The following HPD variants were observed in gnomAD, a reference collection of about 807,000 sequenced individuals.
The protein encoded by HPD is 4-hydroxyphenylpyruvic acid oxidase.
A neutral mutation model predicts 56.9 loss-of-function variants in HPD; 35 were observed. The ratio of observed to expected loss-of-function variants is 0.62; its 90% CI spans 0.47 to 0.82. The LOEUF is 0.82. Ranked by LOEUF, HPD falls within the 40% of genes least tolerant of loss-of-function variation. HPD has a pLI of 0.00. For missense variants in HPD, 442 were observed against 506.8 expected (o/e 0.87, Z 1.23); for synonymous variants, 186 against 200.2 (o/e 0.93, Z 0.60).
the HPD span, among the ~76,000 whole-genome samples, chr12:121,879,416 A>G: frequency 6.6e-6 from 1 of 151,972 alleles, no homozygotes; most frequent in African/African-American, 2.4e-5. Context: ...TCTACAGACA[A>G]CCACCTTGGA....
chr12:121,883,181 TGTGTGTGTG>T, the HPD span, among the ~76,000 whole-genome samples: 72 of 2,300 alleles, frequency 0.031, no homozygotes, highest in African/African-American at 0.047. Flanking sequence ...GAGCATAAGT[TGTGTGTGTG>T]TGTGTGTGTG....
At chr12:121,877,720 G>A in the HPD span, among the ~76,000 whole-genome samples, 37 of 152,152 alleles carry the variant, frequency 2.4e-4, no homozygotes, top group African/African-American at 8.7e-4. Context: ...GTGACGGATT[G>A]AGACTCTGTC....
chr12:121,842,816 C>T (rs980246543), intron 12 of HPD, among the ~76,000 whole-genome samples: 5 of 141,754 alleles, frequency 3.5e-5, no homozygotes, highest in South Asian at 2.2e-4. Context: ...AGCGCAATCT[C>T]GGCTCACTGC....
chr12:121,882,980 G>A, the HPD span, among the ~76,000 whole-genome samples: 18 of 152,036 alleles, frequency 1.2e-4, no homozygotes, highest in East Asian at 1.9e-4. Flanking sequence ...CACCCGCCTC[G>A]GCCTCCCAAA....
intron 7 of HPD, among the ~76,000 whole-genome samples, chr12:121,853,576 C>T (rs1877883618): frequency 6.8e-6 from 1 of 147,524 alleles, no homozygotes. Context: ...GAGCCGAGAT[C>T]GTGCCACTGC....
chr12:121,860,812 G>A (rs1281585144), upstream of HPD, among the ~76,000 whole-genome samples: 1 of 152,126 alleles, frequency 6.6e-6, no homozygotes, highest in Non-Finnish European at 1.5e-5. Context: ...AGGCTGAGGT[G>A]GGAGGATCAC....
the HPD span, among the ~76,000 whole-genome samples, chr12:121,874,662 TGCTTCCAAGA>T: frequency 1.3e-5 from 2 of 151,942 alleles, no homozygotes; most frequent in Non-Finnish European, 2.9e-5. Flanking sequence ...AAACAGTTCC[TGCTTCCAAGA>T]TTTTAAGGCA....
chr12:121,880,490 G>A, the HPD span, among the ~76,000 whole-genome samples: 28 of 151,814 alleles, frequency 1.8e-4, no homozygotes, highest in East Asian at 5.3e-3. Flanking sequence ...CACCATGCCC[G>A]GCCTGTACCA....
At chr12:121,855,181 T>C (rs184866761) in intron 6 of HPD, among the ~76,000 whole-genome samples, 26 of 152,338 alleles carry the variant, frequency 1.7e-4, no homozygotes, top group Admixed American at 4.6e-4. Context: ...ACAGTGCTTA[T>C]ATCATGCACC....
At chr12:121,862,960 G>C (rs575661297), upstream of HPD, among the ~76,000 whole-genome samples, 3 of 150,720 alleles carry the variant, frequency 2.0e-5, no homozygotes, top group South Asian at 6.3e-4. Flanking sequence ...GATTATAGGC[G>C]TGAGCCACCG....
At position 121,849,752 on chromosome 12, in the gene HPD, G is replaced by T. The variant is rs35115987; in HGVS notation, c.453C>A (p.Asn151Lys). The change falls in exon 8 of 14, where the codon AAC becomes AAA. Residue 151 changes from asparagine to lysine, a missense_variant. Physicochemically the swap from Asn to Lys is moderately conservative, Grantham distance 94 (BLOSUM62 0). Coordinates refer to ENST00000289004, the MANE Select transcript of HPD (RefSeq NM_002150.3). ...ATCCAGGCAAGAATTGGCCGATGTA[G>T]TTCATCTTCTCCACCAGGGTGTGTG... The part of the protein sequence containing the change: ...DTTHTLVEKM[N>K]YIGQFLPGYE... The T allele has an allele frequency of 6.2e-7, 1 of 1,613,966 alleles. No homozygotes were observed. The highest frequency in any genetic ancestry group is 8.5e-7 in the Non-Finnish European group (1 of 1,179,908).
chr12:121,885,946 C>T, the HPD span, among the ~76,000 whole-genome samples: 3 of 151,344 alleles, frequency 2.0e-5, no homozygotes, highest in Non-Finnish European at 4.4e-5. Context: ...GCAACAGAGC[C>T]ACCACGCCCG....
At chr12:121,880,783 T>C in the HPD span, among the ~76,000 whole-genome samples, 1 of 152,104 alleles carries the variant, frequency 6.6e-6, no homozygotes, top group African/African-American at 2.4e-5. Context: ...TGAGCCACCA[T>C]GCCAGGCAGT....
the HPD span, among the ~76,000 whole-genome samples, chr12:121,882,748 C>G: frequency 6.6e-5 from 10 of 151,968 alleles, no homozygotes; most frequent in Admixed American, 2.6e-4. Context: ...GGATCTTTTT[C>G]TTTTTGTTTT....
chr12:121,865,744 C>A (rs1878310056), upstream of HPD, among the ~76,000 whole-genome samples: 1 of 151,862 alleles, frequency 6.6e-6, no homozygotes, highest in Non-Finnish European at 1.5e-5. Context: ...AATCCCAGCA[C>A]TTTGGGAGGC....
chr12:121,858,329 G>C (rs375388721), intron 2 of HPD, among the ~76,000 whole-genome samples: 1 of 151,954 alleles, frequency 6.6e-6, no homozygotes, highest in African/African-American at 2.4e-5. Context: ...GGATTACAGG[G>C]GTGCGCTACC....
At chr12:121,850,422 G>A (rs1419915072) in intron 7 of HPD, among the ~76,000 whole-genome samples, 4 of 125,096 alleles carry the variant, frequency 3.2e-5, no homozygotes, top group South Asian at 5.4e-4. Flanking sequence ...ATGAGACTCC[G>A]TCTCAAAAAA....
chr12:121,843,878 A>G, intron 11 of HPD, 46 bp from the exon 12 acceptor site: 4 of 1,612,616 alleles, frequency 2.5e-6, no homozygotes, highest in African/African-American at 2.7e-5. Context: ...TCCAAGTTCA[A>G]CTCCCCTAGC....
At chr12:121,888,397 C>T in the HPD span, among the ~76,000 whole-genome samples, 1 of 152,162 alleles carries the variant, frequency 6.6e-6, no homozygotes, top group Admixed American at 6.6e-5. Flanking sequence ...TCAGGCATAT[C>T]GGATCTGTAA....
Sources: allele counts gnomAD v4.1 joint callset (sites outside exome capture counted in the v4.1 genomes callset), GRCh38; gene constraint gnomAD v4.1.1; transcripts MANE v1.5; gene names NCBI Gene and HGNC (gene_info 2026-07-23, HGNC 2026-07-21).